XG: variants seen among roughly 807,000 people sequenced by gnomAD.
The protein encoded by XG is glycoprotein Xg.
A neutral mutation model predicts 25.7 loss-of-function variants in XG; 24 were observed. The observed-to-expected ratio is 0.93, with a 90% CI of 0.68 to 1.31. XG has a LOEUF of 1.31. Among genes scored for constraint, XG ranks in the 40% most tolerant of loss-of-function variants. The pLI is 0.00. For synonymous variants in XG, 77 were observed against 69.2 expected, an observed-to-expected ratio of 1.11 and a Z score of -0.56; for missense variants, 181 against 187.6, an observed-to-expected ratio of 0.96 and a Z score of 0.21.
At chrX:2,753,694 T>A (rs1157831787) in intron 1 of XG, among the ~76,000 whole-genome samples, 1 of 151,912 alleles carries the variant, frequency 6.6e-6, no homozygotes, top group Non-Finnish European at 1.5e-5. Context: ...GCAATTCTCC[T>A]GCCTCAGCAT....
At chrX:2,753,174 G>C (rs2050369057) in intron 1 of XG, among the ~76,000 whole-genome samples, 1 of 152,164 alleles carries the variant, frequency 6.6e-6, no homozygotes, top group Non-Finnish European at 1.5e-5. Context: ...GATTGGAGTT[G>C]GTTGTTTATG....
chrX:2,757,174 C>CTCAGT (rs1302833334), intron 1 of XG, among the ~76,000 whole-genome samples: 1 of 152,100 alleles, frequency 6.6e-6, no homozygotes, highest in Non-Finnish European at 1.5e-5. Context: ...CTGAACACCT[C>CTCAGT]TCAGTGTTCA....
rs1195232316 is a variant in XG at position 2,765,355 on chromosome X, A to G, written c.62-5195A>G. Among the ~76,000 whole-genome samples, 22 of 139,430 alleles carry G rather than the reference A, an allele frequency of 1.6e-4. No homozygotes were observed. The Admixed American group carries it at 1.7e-3, about 11-fold the overall frequency. 91.5% of individuals were successfully genotyped at this position (139,430 alleles called of 152,430 possible). ...AACATAGTGAGGTTCTGTATGAGAGAAAGAGAGAAAGAGGGAGGGAGGGAA... is the reference window on the plus strand; with the variant it reads ...AACATAGTGAGGTTCTGTATGAGAGGAAGAGAGAAAGAGGGAGGGAGGGAA... On this transcript the variant is annotated intron_variant, in intron 1 of 10. Coordinates refer to ENST00000644266, the MANE Select transcript of XG (RefSeq NM_001141919.2).
intron 7 of XG, among the ~76,000 whole-genome samples, chrX:2,797,877 C>CAT (rs1321075545): frequency 1.8e-5 from 2 of 110,193 alleles, no homozygotes; most frequent in Non-Finnish European, 1.9e-5. Flanking sequence ...ACAAAAAATA[C>CAT]ATATATGCAA....
chrX:2,777,908 T>C (rs1454634845), intron 3 of XG, among the ~76,000 whole-genome samples: 1 of 151,712 alleles, frequency 6.6e-6, no homozygotes, highest in Non-Finnish European at 1.5e-5. Context: ...AAAATACAAA[T>C]AAAATGTTTC....
chrX:2,763,023 T>A (rs1031186088), intron 1 of XG, among the ~76,000 whole-genome samples: 3 of 152,116 alleles, frequency 2.0e-5, no homozygotes, highest in African/African-American at 7.2e-5. Context: ...AAAGATAACA[T>A]CCTTTTTTGA....
chrX:2,767,279 G>A (rs2050720916), intron 1 of XG, among the ~76,000 whole-genome samples: 1 of 152,072 alleles, frequency 6.6e-6, no homozygotes, highest in Admixed American at 6.6e-5. Flanking sequence ...ACATGGCTTT[G>A]CTCCGAAGGG....
intron 10 of XG, among the ~76,000 whole-genome samples, chrX:2,814,072 A>C (rs1383427110): frequency 6.3e-5 from 7 of 111,894 alleles, no homozygotes; most frequent in African/African-American, 2.3e-4. Context: ...TGCCGAATGT[A>C]AAGCAGGTGT....
chrX:2,765,376 GGGAA>G (rs56267419), intron 1 of XG, among the ~76,000 whole-genome samples: 3,019 of 144,104 alleles, frequency 0.021, 49 homozygotes, highest in Admixed American at 0.037. Flanking sequence ...GAGGGAGGGA[GGGAA>G]GGAAGGAAGG....
Position 2,758,225 on chromosome X carries a change from G to C in XG, c.61+5890G>C, listed in dbSNP as rs1043601318. ...GGTCATTTCCCTGCCATTGTCACCT[G>C]GAGCGTGTAGCCATTTCGTGCAGTG... On this transcript the variant is annotated intron_variant, in intron 1 of 10. Coordinates refer to ENST00000644266, the MANE Select transcript of XG (RefSeq NM_001141919.2). Among the ~76,000 whole-genome samples, 56 of 152,214 alleles carry C rather than the reference G, an allele frequency of 3.7e-4. 1 individual carries two copies. Among genetic ancestry groups the C allele is most frequent in the East Asian group, 3.1e-3 (16 of 5,174 alleles).
intron 1 of XG, among the ~76,000 whole-genome samples, chrX:2,757,004 C>T (rs991438746): frequency 1.3e-5 from 2 of 152,112 alleles, no homozygotes; most frequent in African/African-American, 2.4e-5. Flanking sequence ...TCAGGTCACA[C>T]GAACCAGCTG....
chrX:2,764,862 G>A (rs1404647150), intron 1 of XG, among the ~76,000 whole-genome samples: 1 of 151,240 alleles, frequency 6.6e-6, no homozygotes, highest in Non-Finnish European at 1.5e-5. Flanking sequence ...CCAACATGGT[G>A]AAACCCCGTC....
chrX:2,780,271 G>T (rs56376386), intron 3 of XG, among the ~76,000 whole-genome samples: 3 of 151,014 alleles, frequency 2.0e-5, no homozygotes, highest in Non-Finnish European at 4.5e-5. Flanking sequence ...CATTCCATTC[G>T]CTGACAAGAA....
chrX:2,788,029 G>A (rs2086801622), intron 4 of XG, among the ~76,000 whole-genome samples: 1 of 108,524 alleles, frequency 9.2e-6, no homozygotes, highest in Non-Finnish European at 1.9e-5. Flanking sequence ...AGGCTGCAGT[G>A]AGCTATGATT....
intron 2 of XG, 126 bp from the exon 3 acceptor site, chrX:2,774,590 A>G (rs1175684284): frequency 1.4e-5 from 14 of 1,028,946 alleles, no homozygotes; most frequent in African/African-American, 9.5e-5. Flanking sequence ...ATTTGTGTCT[A>G]TATCATTTAC....
In XG at chrX:2,752,578, C is replaced by T. The variant is rs191356986; in HGVS notation, c.61+243C>T. On this transcript the variant is annotated intron_variant, in intron 1 of 10. Coordinates refer to ENST00000644266, the MANE Select transcript of XG (RefSeq NM_001141919.2). ...TGTTAGCTGATACCATCTAGATATTCGCCATATTTTCCTGTTTTGATCCAT... is the reference window on the plus strand; with the variant it reads ...TGTTAGCTGATACCATCTAGATATTTGCCATATTTTCCTGTTTTGATCCAT... 3.3e-5 allele frequency among the ~76,000 whole-genome samples: 5 copies of T among 152,202 alleles called. No homozygotes were observed. In the East Asian group the frequency reaches 5.8e-4, roughly 18 times the overall value.
chrX:2,807,150 T>C (rs1349650628), intron 8 of XG, among the ~76,000 whole-genome samples: 1 of 112,360 alleles, frequency 8.9e-6, no homozygotes, highest in Admixed American at 9.3e-5. Flanking sequence ...CACATGTGGA[T>C]TGAGCACATG....
intron 1 of XG, among the ~76,000 whole-genome samples, chrX:2,757,237 C>G (rs1461955258): frequency 1.3e-5 from 2 of 152,014 alleles, no homozygotes; most frequent in African/African-American, 2.4e-5. Context: ...GGTTCCTCAC[C>G]TTTTCTGCTC....
chrX:2,808,878 T>C (rs1372050275), intron 9 of XG, among the ~76,000 whole-genome samples: 1 of 111,835 alleles, frequency 8.9e-6, no homozygotes, highest in East Asian at 2.8e-4. Context: ...AGTATCAATA[T>C]TTTTGGGGTA....
Sources: gnomAD v4.1 joint callset for allele counts (sites outside exome capture counted in the v4.1 genomes callset) on GRCh38, gnomAD v4.1.1 for gene constraint, MANE v1.5 for transcripts, NCBI Gene and HGNC (gene_info 2026-07-23, HGNC 2026-07-21) for gene names.